TRPM3: variants seen among roughly 807,000 people sequenced by gnomAD.
The protein encoded by TRPM3 is long transient receptor potential channel 3.
A neutral mutation model predicts 181.2 loss-of-function variants in TRPM3; 77 were observed. That is an observed-to-expected ratio of 0.42 (90% confidence interval 0.35 to 0.51). The LOEUF is 0.51. TRPM3 is among the 20% of genes least tolerant of loss of function. TRPM3 has a pLI of 0.01. For synonymous variants in TRPM3, 745 were observed against 796.4 expected, an observed-to-expected ratio of 0.94 and a Z score of 1.09; for missense variants, 1,759 against 2,196.7, an observed-to-expected ratio of 0.80 and a Z score of 3.98.
intron 1 of TRPM3, among the ~76,000 whole-genome samples, chr9:71,230,647 C>G (rs1208664830): frequency 1.3e-5 from 2 of 152,162 alleles, no homozygotes; most frequent in African/African-American, 4.8e-5. Flanking sequence ...TAGGCCAACT[C>G]TGCAGCAGAA....
intron 1 of TRPM3, among the ~76,000 whole-genome samples, chr9:70,977,809 T>TACAGCCA (rs2097321328): frequency 6.6e-6 from 1 of 152,160 alleles, no homozygotes; most frequent in African/African-American, 2.4e-5. Context: ...CAGATGGAAG[T>TACAGCCA]GATGTATAGG....
At chr9:70,907,733 G>A (rs1016018688) in intron 1 of TRPM3, among the ~76,000 whole-genome samples, 2 of 152,010 alleles carry the variant, frequency 1.3e-5, no homozygotes, top group Non-Finnish European at 2.9e-5. Flanking sequence ...GATCCTCAGT[G>A]TCCACTGTTT....
Position 70,535,456 on chromosome 9 carries a change from A to C in TRPM3, c.*497T>G. ...ATACTGAATAAAGAGGATGCTCTTCATCAGTCACCAGTGATGGAGCCAATG... is the reference window on the plus strand; with the variant it reads ...ATACTGAATAAAGAGGATGCTCTTCCTCAGTCACCAGTGATGGAGCCAATG... On this transcript the variant is annotated 3_prime_UTR_variant, in exon 26 of 26. Transcript: ENST00000677713. 1.3e-6 allele frequency: 2 copies of C among 1,550,628 alleles called. No homozygotes were observed. The highest frequency in any genetic ancestry group is 1.7e-6 in the Non-Finnish European group (2 of 1,147,014).
chr9:71,422,368 G>A (rs1261256646), intron 1 of TRPM3, among the ~76,000 whole-genome samples: 1 of 152,016 alleles, frequency 6.6e-6, no homozygotes, highest in African/African-American at 2.4e-5. Context: ...CCACTTGCAT[G>A]TGTCATTTAG....
chr9:71,209,407 G>GGAGC (rs1554846885), intron 1 of TRPM3, among the ~76,000 whole-genome samples: 1 of 138,236 alleles, frequency 7.2e-6, no homozygotes, highest in African/African-American at 2.7e-5. Context: ...AAGGAGGGAG[G>GGAGC]GAGAGAGAGA....
At chr9:70,565,986 C>T (rs1047068656) in intron 22 of TRPM3, among the ~76,000 whole-genome samples, 1 of 152,082 alleles carries the variant, frequency 6.6e-6, no homozygotes, top group Non-Finnish European at 1.5e-5. Context: ...TTATGGAGCC[C>T]CTATTGTGTA....
chr9:71,441,557 A>G (rs920336479), intron 1 of TRPM3, among the ~76,000 whole-genome samples: 5 of 151,992 alleles, frequency 3.3e-5, no homozygotes, highest in African/African-American at 9.7e-5. Flanking sequence ...AGGACCTACT[A>G]GCCACGTAAT....
chr9:71,174,646 T>G (rs1395520229), intron 1 of TRPM3, among the ~76,000 whole-genome samples: 1 of 152,122 alleles, frequency 6.6e-6, no homozygotes, highest in Non-Finnish European at 1.5e-5. Flanking sequence ...TGGGGAATGC[T>G]AAGCAAAGAA....
intron 8 of TRPM3, among the ~76,000 whole-genome samples, chr9:70,740,463 G>A (rs1417839616): frequency 1.4e-5 from 2 of 142,498 alleles, no homozygotes; most frequent in Non-Finnish European, 3.2e-5. Context: ...ATTCTTCACA[G>A]ACCTAGAAAA....
chr9:71,277,853 G>C (rs1327107224), intron 1 of TRPM3, among the ~76,000 whole-genome samples: 2 of 152,148 alleles, frequency 1.3e-5, no homozygotes, highest in Non-Finnish European at 2.9e-5. Context: ...CCACACATGG[G>C]TTTCAGGAAA....
chr9:70,551,102 T>A lies in TRPM3; in HGVS notation c.3575-1428A>T, dbSNP rs567760319. Among the ~76,000 whole-genome samples, 8 of 152,342 alleles carry A rather than the reference T, an allele frequency of 5.3e-5. No homozygotes were observed. The South Asian group carries it at 1.4e-3, about 28-fold the overall frequency. ...ACTTCTTTGGCTATATGTAACGCCT[T>A]TTTAACAAAAATAAAATACTATTTT... On this transcript the variant is annotated intron_variant, in intron 24 of 25. Transcript: ENST00000677713.
intron 1 of TRPM3, among the ~76,000 whole-genome samples, chr9:71,414,713 A>G (rs2093611391): frequency 6.6e-6 from 1 of 152,114 alleles, no homozygotes; most frequent in Admixed American, 6.6e-5. Context: ...GCATGATACT[A>G]ACTCATGAAG....
At chr9:71,007,067 AGAAAAAAAAGACTAAGTCAGGAACAG>A (rs2097686241) in intron 1 of TRPM3, among the ~76,000 whole-genome samples, 2 of 135,790 alleles carry the variant, frequency 1.5e-5, no homozygotes, top group East Asian at 2.2e-4. Flanking sequence ...AAAAAAAGAA[AGAAAAAAAAGACTAAGTCAGGAACAG>A]AAAAAAAAAA....
intron 1 of TRPM3, among the ~76,000 whole-genome samples, chr9:71,319,952 G>C (rs2089040788): frequency 6.6e-6 from 1 of 152,068 alleles, no homozygotes; most frequent in African/African-American, 2.4e-5. Context: ...TTTGTGCTTT[G>C]TTATTTTAAG....
At chr9:71,318,793 C>G (rs1432469805) in intron 1 of TRPM3, among the ~76,000 whole-genome samples, 1 of 151,970 alleles carries the variant, frequency 6.6e-6, no homozygotes, top group African/African-American at 2.4e-5. Flanking sequence ...ATAAGATAAA[C>G]TTTATGTATT....
intron 1 of TRPM3, among the ~76,000 whole-genome samples, chr9:71,192,433 C>T (rs754080041): frequency 2.6e-5 from 4 of 151,808 alleles, no homozygotes; most frequent in Non-Finnish European, 5.9e-5. Flanking sequence ...TATCTTTTGA[C>T]ATTTTGATAA....
chr9:71,326,809 C>T (rs1255178014), intron 1 of TRPM3, among the ~76,000 whole-genome samples: 1 of 152,136 alleles, frequency 6.6e-6, no homozygotes, highest in African/African-American at 2.4e-5. Context: ...GATAATGAAC[C>T]TTCTCACAAT....
At chr9:70,960,556 T>C (rs1352891721) in intron 1 of TRPM3, among the ~76,000 whole-genome samples, 2 of 152,192 alleles carry the variant, frequency 1.3e-5, no homozygotes, top group Non-Finnish European at 2.9e-5. Flanking sequence ...GAATACAAAA[T>C]GCTTAAAGAG....
intron 8 of TRPM3, among the ~76,000 whole-genome samples, chr9:70,700,488 C>G (rs549794736): frequency 2.6e-4 from 39 of 152,224 alleles, no homozygotes; most frequent in African/African-American, 8.4e-4. Context: ...TCTCTACTGC[C>G]CCCCTGCCCT....
Sources: allele counts gnomAD v4.1 joint callset (sites outside exome capture counted in the v4.1 genomes callset), GRCh38; gene constraint gnomAD v4.1.1; transcripts MANE v1.5; gene names NCBI Gene and HGNC (gene_info 2026-07-23, HGNC 2026-07-21).